OOSP1: variants seen among roughly 807,000 people sequenced by gnomAD.
OOSP1 encodes oocyte secreted protein 1.
Under a neutral mutation model 5.7 loss-of-function variants are expected in OOSP1, and 11 were observed. The ratio of observed to expected loss-of-function variants is 1.94; its 90% CI spans 1.22 to 3.20. The LOEUF (loss-of-function observed/expected upper bound fraction) is 3.20. OOSP1 is among the 30% of genes most tolerant of loss of function. The pLI, the probability that OOSP1 is intolerant of heterozygous loss-of-function variation, is 0.00. For missense variants in OOSP1, 83 were observed against 54.1 expected (o/e 1.53, Z -1.67); for synonymous variants, 44 against 20.0 (o/e 2.20, Z -3.20).
chr11:59,950,617 T>C (rs1853930289), intron 4 of OOSP1, among the ~76,000 whole-genome samples: 1 of 152,030 alleles, frequency 6.6e-6, no homozygotes, highest in African/African-American at 2.4e-5. Flanking sequence ...TGCTGAAAAG[T>C]TAAGTGGGAT....
At chr11:59,944,911 G>T (rs1161251218) in intron 2 of OOSP1, among the ~76,000 whole-genome samples, 1 of 152,196 alleles carries the variant, frequency 6.6e-6, no homozygotes, top group African/African-American at 2.4e-5. Context: ...TTTCTTGAAT[G>T]TGAATCACAA....
intron 2 of OOSP1, 119 bp downstream of exon 2, chr11:59,943,147 GT>G: frequency 5.8e-6 from 2 of 342,930 alleles, no homozygotes; most frequent in Non-Finnish European, 1.1e-5. Flanking sequence ...GTGGTGTTTG[GT>G]TTTTTGTCCT....
intron 4 of OOSP1, among the ~76,000 whole-genome samples, chr11:59,952,709 T>C (rs1472968821): frequency 6.6e-6 from 1 of 152,100 alleles, no homozygotes; most frequent in Non-Finnish European, 1.5e-5. Context: ...TGGTCCTGGG[T>C]GCACTAAAAT....
intron 3 of OOSP1, among the ~76,000 whole-genome samples, chr11:59,946,470 G>T (rs1268974418): frequency 6.6e-6 from 1 of 152,136 alleles, no homozygotes; most frequent in African/African-American, 2.4e-5. Context: ...AGATTCGAGT[G>T]GGGACACAGA....
intron 2 of OOSP1, among the ~76,000 whole-genome samples, chr11:59,944,722 G>A (rs1853864692): frequency 1.3e-5 from 2 of 151,566 alleles, no homozygotes; most frequent in South Asian, 4.2e-4. Context: ...CATAATTATT[G>A]CTTTTTTTAG....
intron 4 of OOSP1, among the ~76,000 whole-genome samples, chr11:59,948,554 C>T (rs541494808): frequency 2.6e-5 from 4 of 152,200 alleles, no homozygotes; most frequent in Non-Finnish European, 5.9e-5. Flanking sequence ...CATATACTTT[C>T]TTTCTTCTCC....
intron 4 of OOSP1, among the ~76,000 whole-genome samples, chr11:59,954,138 T>A (rs1238012141): frequency 6.6e-6 from 1 of 152,090 alleles, no homozygotes; most frequent in African/African-American, 2.4e-5. Context: ...TATGTAAACA[T>A]AGAAAAGATA....
chr11:59,943,931 T>C (rs746634182), intron 2 of OOSP1, among the ~76,000 whole-genome samples: 8 of 152,212 alleles, frequency 5.3e-5, no homozygotes, highest in Non-Finnish European at 1.0e-4. Context: ...TAGAACTTGA[T>C]CAGGTTTAGA....
intron 4 of OOSP1, among the ~76,000 whole-genome samples, chr11:59,950,449 G>A (rs61229859): frequency 0.01 from 1,592 of 152,272 alleles, 29 homozygotes; most frequent in African/African-American, 0.035. Flanking sequence ...TCAGTCCAAG[G>A]TTTGGGTCTT....
chr11:59,948,711 G>C, intron 4 of OOSP1: 1 of 397,990 alleles, frequency 2.5e-6, no homozygotes, highest in Non-Finnish European at 4.4e-6. Context: ...GTAAGAATCT[G>C]ACTGCTACAC....
intron 4 of OOSP1, among the ~76,000 whole-genome samples, chr11:59,952,906 C>T (rs1853954594): frequency 6.6e-6 from 1 of 152,102 alleles, no homozygotes. Flanking sequence ...ACCTTTGCCC[C>T]CATTCAATCG....
chr11:59,945,894 G>T (rs990968211), intron 3 of OOSP1, among the ~76,000 whole-genome samples: 1 of 151,088 alleles, frequency 6.6e-6, no homozygotes, highest in Admixed American at 6.6e-5. Context: ...GGAAGGCAAC[G>T]GAAGGCAACA....
intron 2 of OOSP1, 105 bp from the exon 3 acceptor site, chr11:59,945,064 A>G: frequency 1.5e-6 from 1 of 651,016 alleles, no homozygotes; most frequent in Non-Finnish European, 2.8e-6. Flanking sequence ...GAGTGTGACC[A>G]TTTTTAGAAA....
chr11:59,941,624 C>T (rs542374832), intron 1 of OOSP1, among the ~76,000 whole-genome samples: 68 of 152,204 alleles, frequency 4.5e-4, no homozygotes, highest in Non-Finnish European at 7.1e-4. Flanking sequence ...GTGATCCACC[C>T]GGCTCGCCCT....
chr11:59,940,814 A>AAGC (rs1320510259), intron 1 of OOSP1, among the ~76,000 whole-genome samples: 1 of 152,224 alleles, frequency 6.6e-6, no homozygotes, highest in African/African-American at 2.4e-5. Context: ...GGATATGAAT[A>AAGC]ACTGGTTTTA....
At chr11:59,940,126 C>A (rs1011331078) in intron 1 of OOSP1, among the ~76,000 whole-genome samples, 1 of 152,218 alleles carries the variant, frequency 6.6e-6, no homozygotes, top group Non-Finnish European at 1.5e-5. Flanking sequence ...ACAAGACAAC[C>A]TAGACCTGAC....
chr11:59,943,009 ACT>A lies in OOSP1; in HGVS notation c.240_241del (p.Asp80GlufsTer15), dbSNP rs994067596. On this transcript the variant is annotated frameshift_variant, in exon 2 of 5. Transcript: ENST00000646685. LOFTEE classifies it high-confidence loss of function. Reference sequence around the variant, plus strand: ...TATGAGTTTTTCTACCATCCTCATGACTGTGGTATTGTAACTCAAGTAAGAAA... The same window carrying A: ...TATGAGTTTTTCTACCATCCTCATGAGTGGTATTGTAACTCAAGTAAGAAA... 2.6e-5 allele frequency: 18 copies of A among 702,764 alleles called. No homozygotes were observed. In the African/African-American group the frequency reaches 3.0e-4, roughly 12 times the overall value. 43.5% of individuals were successfully genotyped at this position (702,764 alleles called of 1,614,324 possible).
exon 5 of OOSP1, chr11:59,957,269 G>A (rs1854001947): frequency 2.5e-6 from 1 of 397,938 alleles, no homozygotes; most frequent in Non-Finnish European, 4.4e-6. Flanking sequence ...GATGACTCAT[G>A]CATATTTCAT....
Position 59,948,665 on chromosome 11 carries a change from T to C in OOSP1, c.486+803T>C, listed in dbSNP as rs17154297. On this transcript the variant is annotated intron_variant, in intron 4 of 4. Coordinates refer to ENST00000646685, the Ensembl canonical transcript of OOSP1. ...TAGAAGTAGGGAAGTAATGTTTACA[T>C]TGGGACGTATATTTTACTGTCTTTC... 4.6e-3 allele frequency: 1,824 copies of C among 397,476 alleles called. 24 individuals carry two copies. Among genetic ancestry groups the C allele is most frequent in the African/African-American group, 0.034 (1,638 of 48,658 alleles). 24.6% of individuals were successfully genotyped at this position (397,476 alleles called of 1,614,324 possible). A position where few individuals can be genotyped will look rare whatever the true frequency, so the allele number is the denominator to read the frequency against.
Sources: allele counts gnomAD v4.1 joint callset (sites outside exome capture counted in the v4.1 genomes callset), GRCh38; gene constraint gnomAD v4.1.1; transcripts MANE v1.5; gene names NCBI Gene and HGNC (gene_info 2026-07-23, HGNC 2026-07-21).